Variants in DPPA2 observed in about 807,000 individuals in gnomAD.
DPPA2 encodes developmental pluripotency associated 2, also known as developmental pluripotency-associated protein 2.
DPPA2 carries 26 observed loss-of-function variants against 36.2 expected under a neutral mutation model. The ratio of observed to expected loss-of-function variants is 0.72; its 90% CI spans 0.53 to 1.00. The LOEUF is 1.00. Ranked by LOEUF, DPPA2 falls within the 50% of genes least tolerant of loss-of-function variation. DPPA2 has a pLI of 0.00. For missense variants in DPPA2, 361 were observed against 365.1 expected, an observed-to-expected ratio of 0.99 and a Z score of 0.09; for synonymous variants, 113 against 123.2, an observed-to-expected ratio of 0.92 and a Z score of 0.55.
intron 8 of DPPA2, 71 bp from the exon 9 acceptor site, chr3:109,294,075 GTTAGGGTGT>G (rs1198502495): frequency 6.6e-6 from 1 of 152,168 alleles, no homozygotes; most frequent in African/African-American, 2.4e-5. Context: ...GGTCAAGAGA[GTTAGGGTGT>G]TTTGTGCACT....
At chr3:109,316,061 ATTTTTTCT>A (rs1021165240) in intron 1 of DPPA2, among the ~76,000 whole-genome samples, 223 of 151,916 alleles carry the variant, frequency 1.5e-3, no homozygotes, top group African/African-American at 5.2e-3. Context: ...CCTCCAGGTA[ATTTTTTCT>A]TTTTTTCTTT....
intron 3 of DPPA2, among the ~76,000 whole-genome samples, chr3:109,309,930 A>G (rs925541912): frequency 2.0e-5 from 3 of 151,580 alleles, no homozygotes; most frequent in Non-Finnish European, 4.4e-5. Flanking sequence ...AAAAATAGAA[A>G]AATTACCTGG....
intron 2 of DPPA2, 116 bp from the exon 3 acceptor site, chr3:109,312,808 G>T (rs1035713138): frequency 3.2e-5 from 39 of 1,214,014 alleles, no homozygotes; most frequent in Admixed American, 9.2e-5. Flanking sequence ...ATGGAGAAAA[G>T]AATTACTGGG....
chr3:109,309,030 C>T lies in DPPA2; in HGVS notation c.392G>A (p.Arg131Gln), dbSNP rs9809030. Reference sequence around the variant, plus strand: ...ATCAACACACTCATTACTCACTTGCCGTTGTTCAGGGTAAGCATGCCTATG... The same window carrying T: ...ATCAACACACTCATTACTCACTTGCTGTTGTTCAGGGTAAGCATGCCTATG... ...RLHRHAYPEQ[R>Q]QDMPEMSQET... The change falls in exon 5 of 9, where the codon CGG (arginine) becomes CAG (glutamine). Residue 131 changes from arginine to glutamine, a missense_variant. By Grantham distance (43) the Arg-to-Gln change is conservative (BLOSUM62 1). Transcript: ENST00000478945. 4.9e-3 allele frequency: 7,866 copies of T among 1,614,128 alleles called. 343 individuals carry two copies. In the African/African-American group the frequency reaches 0.091, roughly 19 times the overall value.
At chr3:109,301,368 A>T (rs1237457235) in intron 7 of DPPA2, among the ~76,000 whole-genome samples, 2 of 151,950 alleles carry the variant, frequency 1.3e-5, no homozygotes, top group African/African-American at 4.8e-5. Flanking sequence ...AAAAAAATTT[A>T]AGGCTGGGTG....
chr3:109,294,711 T>C (rs1371910860), intron 8 of DPPA2, among the ~76,000 whole-genome samples: 1 of 152,226 alleles, frequency 6.6e-6, no homozygotes, highest in Non-Finnish European at 1.5e-5. Context: ...TTAGCCTTCA[T>C]TCAGAAGGTT....
At chr3:109,309,972 T>C (rs1463332059) in intron 3 of DPPA2, among the ~76,000 whole-genome samples, 10 of 151,786 alleles carry the variant, frequency 6.6e-5, no homozygotes, top group African/African-American at 1.2e-4. Flanking sequence ...CTCATGCCTG[T>C]AATCCCAGCA....
At chr3:109,302,927 T>C (rs1255621101) in intron 7 of DPPA2, among the ~76,000 whole-genome samples, 2 of 152,120 alleles carry the variant, frequency 1.3e-5, no homozygotes, top group African/African-American at 4.8e-5. Flanking sequence ...ATAGTTATCA[T>C]TATATTCTCA....
At chr3:109,296,574 C>G (rs1322317050) in intron 8 of DPPA2, among the ~76,000 whole-genome samples, 1 of 151,986 alleles carries the variant, frequency 6.6e-6, no homozygotes, top group African/African-American at 2.4e-5. Flanking sequence ...GCTTGGGAGG[C>G]TGAGACAGGA....
intron 5 of DPPA2, among the ~76,000 whole-genome samples, chr3:109,308,687 T>A (rs2107315666): frequency 6.6e-6 from 1 of 152,256 alleles, no homozygotes; most frequent in South Asian, 2.1e-4. Flanking sequence ...TGTACTGACC[T>A]GAACATGTAT....
At chr3:109,307,708 C>T (rs1425623421) in intron 6 of DPPA2, among the ~76,000 whole-genome samples, 1 of 151,202 alleles carries the variant, frequency 6.6e-6, no homozygotes, top group African/African-American at 2.4e-5. Flanking sequence ...TGAACCAACA[C>T]ATTCCTCTTA....
intron 8 of DPPA2, among the ~76,000 whole-genome samples, chr3:109,299,267 C>T (rs1458688358): frequency 1.3e-5 from 2 of 151,624 alleles, no homozygotes; most frequent in African/African-American, 4.8e-5. Flanking sequence ...AATCCCAGCA[C>T]TTTGGGAAAC....
chr3:109,299,738 A>G (rs372089130), intron 8 of DPPA2, among the ~76,000 whole-genome samples: 2 of 136,858 alleles, frequency 1.5e-5, no homozygotes, highest in East Asian at 4.4e-4. Flanking sequence ...ATAATGTATC[A>G]ATATTGACTC....
At chr3:109,307,408 C>T (rs1397126945) in intron 6 of DPPA2, among the ~76,000 whole-genome samples, 2 of 151,846 alleles carry the variant, frequency 1.3e-5, no homozygotes, top group Non-Finnish European at 2.9e-5. Flanking sequence ...TCGAGACCAG[C>T]CTGGCCAACA....
intron 8 of DPPA2, among the ~76,000 whole-genome samples, chr3:109,295,030 CA>C (rs936600452): frequency 1.8e-4 from 28 of 151,908 alleles, no homozygotes; most frequent in African/African-American, 6.5e-4. Flanking sequence ...TCAAAACAAA[CA>C]AAAAACCAAA....
intron 1 of DPPA2, among the ~76,000 whole-genome samples, chr3:109,315,697 C>T (rs1193213512): frequency 6.6e-6 from 1 of 152,092 alleles, no homozygotes; most frequent in Non-Finnish European, 1.5e-5. Flanking sequence ...TGACCATGGT[C>T]CATTTAAGTT....
intron 7 of DPPA2, among the ~76,000 whole-genome samples, chr3:109,302,847 A>G (rs926809129): frequency 6.6e-6 from 1 of 151,690 alleles, no homozygotes; most frequent in Non-Finnish European, 1.5e-5. Context: ...ATTTTTACTC[A>G]TGGATGGACA....
At chr3:109,297,152 A>G (rs929157419) in intron 8 of DPPA2, among the ~76,000 whole-genome samples, 2 of 152,188 alleles carry the variant, frequency 1.3e-5, no homozygotes, top group African/African-American at 2.4e-5. Context: ...ACACCACACC[A>G]AAGAAGATAC....
chr3:109,315,797 G>C (rs1479695735), intron 1 of DPPA2, among the ~76,000 whole-genome samples: 1 of 152,144 alleles, frequency 6.6e-6, no homozygotes, highest in Non-Finnish European at 1.5e-5. Context: ...GGGAGGCCGA[G>C]GAAGGACGAC....
Sources: allele counts gnomAD v4.1 joint callset (sites outside exome capture counted in the v4.1 genomes callset), GRCh38; gene constraint gnomAD v4.1.1; transcripts MANE v1.5; gene names NCBI Gene and HGNC (gene_info 2026-07-23, HGNC 2026-07-21).